Variants in PLCB2 observed in about 807,000 individuals in gnomAD.
The protein encoded by PLCB2 is 1-phosphatidylinositol 4,5-bisphosphate phosphodiesterase beta-2.
In PLCB2, 115 loss-of-function variants were observed where a neutral mutation model predicts 141.7. That is an observed-to-expected ratio of 0.81 (90% CI 0.70 to 0.95). The LOEUF (loss-of-function observed/expected upper bound fraction) is 0.95, where lower values mean the gene tolerates loss of function less well. PLCB2 is among the 40% of genes least tolerant of loss of function. The pLI is 0.00. For synonymous variants in PLCB2, 603 were observed against 595.6 expected, an observed-to-expected ratio of 1.01 and a Z score of -0.18; for missense variants, 1,403 against 1,541.1, an observed-to-expected ratio of 0.91 and a Z score of 1.50.
Position 40,291,422 on chromosome 15 carries a change from G to T in PLCB2, c.2713C>A (p.His905Asn). 6 of 1,539,172 alleles carry T rather than the reference G, an allele frequency of 3.9e-6. No homozygotes were observed. Among genetic ancestry groups the T allele is most frequent in the Non-Finnish European group, 5.2e-6 (6 of 1,147,892 alleles). The change falls in exon 26 of 32, where the codon CAC (histidine) becomes AAC (asparagine). Residue 905 changes from histidine to asparagine, a missense_variant. Physicochemically the swap from His to Asn is moderately conservative, Grantham distance 68 (BLOSUM62 1). Coordinates refer to ENST00000260402, the MANE Select transcript of PLCB2 (RefSeq NM_004573.3). ...TCCAACTCTCGCAGCTCCTTCTCGT[G>T]CCGCCGCTGCAGCTTCACCACGCCC... ...LKGVVKLQRR[H>N]EKELRELERR...
chr15:40,291,701 T>G, intron 24 of PLCB2, 51 bp from the exon 25 acceptor site: 1 of 1,607,240 alleles, frequency 6.2e-7, no homozygotes, highest in South Asian at 1.1e-5. Context: ...GCCCCTTGGC[T>G]CCGTTCGCCT....
chr15:40,303,936 A>AG, intron 2 of PLCB2, 65 bp downstream of exon 2: 2 of 1,158,844 alleles, frequency 1.7e-6, no homozygotes, highest in Non-Finnish European at 2.5e-6. Context: ...TGGTGCAGCC[A>AG]GGGGGCTGTC....
intron 1 of PLCB2, among the ~76,000 whole-genome samples, chr15:40,306,087 G>C (rs2141197480): frequency 6.6e-6 from 1 of 152,302 alleles, no homozygotes; most frequent in African/African-American, 2.4e-5. Flanking sequence ...ATGGCCAGGG[G>C]GAGAGCTTCT....
At position 40,307,579 on chromosome 15, in the gene PLCB2, C is replaced by A. The variant is rs142306934; in HGVS notation, c.84+10G>T. 320 of 1,553,222 alleles carry A rather than the reference C, an allele frequency of 2.1e-4. No homozygotes were observed. In the African/African-American group the frequency reaches 3.9e-3, roughly 19 times the overall value. ...GGTGCTCCAGCAGCTGAGGCCCCTG[C>A]CCCACTTACATCATCCCATTTGATG... On this transcript the variant is annotated intron_variant, in intron 1 of 31. Coordinates refer to ENST00000260402, the MANE Select transcript of PLCB2 (RefSeq NM_004573.3).
intron 7 of PLCB2, chr15:40,301,624 G>T (rs1057434826): frequency 2.8e-5 from 20 of 702,764 alleles, no homozygotes; most frequent in Non-Finnish European, 4.9e-5. Flanking sequence ...AAACATTCAC[G>T]CTCAGCTCCC....
rs774352229 is a variant in PLCB2, at chr15:40,302,131, C to T, written c.506+5G>A. 3.2e-5 allele frequency: 52 copies of T among 1,611,324 alleles called. No individual in the cohort carries two copies. The highest frequency in any genetic ancestry group is 4.4e-5 in the Non-Finnish European group (52 of 1,178,302). On this transcript the variant is annotated splice_donor_5th_base_variant and intron_variant, in intron 6 of 31. Coordinates refer to ENST00000260402, the MANE Select transcript of PLCB2 (RefSeq NM_004573.3). ...GGAAGCCTGGGGAGGGGTTGGGGGG[C>T]TCACTTCTTCACCGGAATCTTCCCT...
At chr15:40,286,863 G>T (rs1484532636), downstream of PLCB2, among the ~76,000 whole-genome samples, 3 of 152,236 alleles carry the variant, frequency 2.0e-5, no homozygotes, top group Non-Finnish European at 4.4e-5. Flanking sequence ...GGGCAGGATT[G>T]CATCGCCTTC....
rs749837580 is a variant in PLCB2 at position 40,288,849 on chromosome 15, C to T, written c.3424G>A (p.Val1142Met). 22 of 1,613,972 alleles carry T rather than the reference C, an allele frequency of 1.4e-5. No individual in the cohort carries two copies. Among genetic ancestry groups the T allele is most frequent in the Non-Finnish European group, 1.7e-5 (20 of 1,180,026 alleles). Residue 1142 changes from valine to methionine, a missense_variant, in exon 32 of 32, where the codon GTG becomes ATG. Transcript: ENST00000260402. ...KGLEAEVKES[V>M]RACLRTCFPS... ...AAGCAGGTCCTGAGGCAGGCCCTCA[C>T]CGACTCCTTCACCTCTGCCTCCAGA...
intron 31 of PLCB2, 104 bp downstream of exon 31, chr15:40,289,168 G>T (rs984856970): frequency 6.3e-6 from 7 of 1,105,128 alleles, no homozygotes; most frequent in Non-Finnish European, 9.5e-6. Flanking sequence ...AAGGATGATG[G>T]CCCCCTTCCC....
At position 40,292,931 on chromosome 15, in the gene PLCB2, T is replaced by A; in HGVS notation, c.2321A>T (p.Asn774Ile). 2.5e-6 allele frequency: 4 copies of A among 1,599,518 alleles called. No individual in the cohort carries two copies. Among genetic ancestry groups the A allele is most frequent in the Non-Finnish European group, 3.4e-6 (4 of 1,169,824 alleles). ...GHRIIPINALNSGYHHLCLHS... is the reference protein window; with the variant it reads ...GHRIIPINALISGYHHLCLHS... ...TGAAGGACCCCACTCCTTACCAGAATTTAGGGCATTGATGGGGATGATGCG... is the reference window on the plus strand; with the variant it reads ...TGAAGGACCCCACTCCTTACCAGAAATTAGGGCATTGATGGGGATGATGCG... Residue 774 changes from asparagine to isoleucine, a missense_variant, in exon 21 of 32, where the codon AAT becomes ATT. Asn to Ile is a moderately radical substitution (Grantham distance 149). Coordinates refer to ENST00000260402, the MANE Select transcript of PLCB2 (RefSeq NM_004573.3).
In PLCB2 at chr15:40,296,834, C is replaced by T; in HGVS notation, c.1398G>A (p.Gln466=). 6.2e-7 allele frequency: 1 copy of T among 1,614,164 alleles called. No homozygotes were observed. Among genetic ancestry groups the T allele is most frequent in the Non-Finnish European group, 8.5e-7 (1 of 1,180,018 alleles). The change falls in exon 14 of 32, where the codon CAG becomes CAA. Residue 466 remains glutamine, a synonymous_variant. Transcript: ENST00000260402. ...GKILIKNKKN[Q]FSGPTSSSKD... ...TACTGGAGGAGGTGGGGCCAGAAAA[C>T]TGGTTCTTCTTGTTCTTGATGAGGA...
At chr15:40,293,876 G>A in intron 19 of PLCB2, 152 bp from the exon 20 acceptor site, 1 of 741,886 alleles carries the variant, frequency 1.3e-6, no homozygotes, top group Non-Finnish European at 2.2e-6. Context: ...GAGAGGCTGT[G>A]TAGCCCACGG....
At chr15:40,290,973 G>A (rs2039867398) in intron 27 of PLCB2, 45 bp downstream of exon 27, 5 of 1,547,544 alleles carry the variant, frequency 3.2e-6, no homozygotes, top group Non-Finnish European at 4.3e-6. Context: ...TGGGGGGTGG[G>A]GTCGGTGGGG....
chr15:40,293,460 G>T, intron 20 of PLCB2, 100 bp downstream of exon 20: 1 of 1,166,832 alleles, frequency 8.6e-7, no homozygotes, highest in South Asian at 1.4e-5. Flanking sequence ...GGGAAGAGGA[G>T]GAGGAGGAAG....
In PLCB2 at chr15:40,290,835, T is replaced by G. The variant is rs1310325878; in HGVS notation, c.3039A>C (p.Gln1013His). The G allele has an allele frequency of 2.5e-6, 4 of 1,612,624 alleles. No homozygotes were observed. The African/African-American group carries it at 5.4e-5, about 22-fold the overall frequency. The change falls in exon 28 of 32, where the codon CAA (glutamine) becomes CAC (histidine). Residue 1013 changes from glutamine (Q) to histidine (H), a missense_variant and splice_region_variant. Physicochemically the swap from Gln to His is conservative, Grantham distance 24. Coordinates refer to ENST00000260402, the MANE Select transcript of PLCB2 (RefSeq NM_004573.3). Reference protein sequence around the residue: ...LKRKEQHVAEQISKMMELARE... With the variant: ...LKRKEQHVAEHISKMMELARE... ...TGGCCAGCTCCATCATTTTGGAGATTTGCTGCAGGGAGAGGAAGTAAGCTT... is the reference window on the plus strand; with the variant it reads ...TGGCCAGCTCCATCATTTTGGAGATGTGCTGCAGGGAGAGGAAGTAAGCTT...
intron 7 of PLCB2, 63 bp from the exon 8 acceptor site, chr15:40,299,291 C>T (rs2040395250): frequency 4.4e-6 from 5 of 1,134,122 alleles, no homozygotes; most frequent in East Asian, 4.7e-5. Flanking sequence ...ACCACAAACT[C>T]GGCCCAGCCC....
intron 19 of PLCB2, among the ~76,000 whole-genome samples, 181 bp from the exon 20 acceptor site, chr15:40,293,905 G>A (rs2040060628): frequency 6.6e-6 from 1 of 152,184 alleles, no homozygotes; most frequent in Non-Finnish European, 1.5e-5. Context: ...TAAGCTCTGA[G>A]GACCAGGGTG....
chr15:40,298,036 G>T, intron 11 of PLCB2, 77 bp from the exon 12 acceptor site: 1 of 1,255,188 alleles, frequency 8.0e-7, no homozygotes, highest in Non-Finnish European at 1.1e-6. Context: ...TTTCCCCCCT[G>T]CCTAGTTTCA....
At chr15:40,294,233 C>T (rs2141078423) in intron 19 of PLCB2, 33 bp downstream of exon 19, 1 of 1,610,026 alleles carries the variant, frequency 6.2e-7, no homozygotes, top group Middle Eastern at 1.7e-4. Context: ...AAGACCTCAG[C>T]CTCCCGGCCA....
Sources: gnomAD v4.1 joint callset for allele counts (sites outside exome capture counted in the v4.1 genomes callset) on GRCh38, gnomAD v4.1.1 for gene constraint, MANE v1.5 for transcripts, NCBI Gene and HGNC (gene_info 2026-07-23, HGNC 2026-07-21) for gene names.